The following BCL11B variants were observed in gnomAD, a reference collection of about 807,000 sequenced individuals.
BCL11B encodes the protein B-cell lymphoma/leukemia 11B.
BCL11B carries 8 observed loss-of-function variants against 49.9 expected under a neutral mutation model. The observed-to-expected ratio is 0.16, with a 90% CI of 0.09 to 0.29. BCL11B has a LOEUF of 0.29. Among genes scored for constraint, BCL11B ranks in the 10% least tolerant of loss-of-function variants. The probability of loss-of-function intolerance (pLI) is 1.00; values close to 1 mark genes in which losing one functional copy is unlikely to be tolerated. For missense variants in BCL11B, 1,006 were observed against 1,351.0 expected, an observed-to-expected ratio of 0.74 and a Z score of 4.00; for synonymous variants, 739 against 637.4, an observed-to-expected ratio of 1.16 and a Z score of -2.40.
At chr14:99,187,778 T>TGCCTCCTCC (rs1555377332) in intron 3 of BCL11B, among the ~76,000 whole-genome samples, 5 of 150,398 alleles carry the variant, frequency 3.3e-5, no homozygotes, top group African/African-American at 1.2e-4. Flanking sequence ...CATGCAGGCC[T>TGCCTCCTCC]TCCTCCTCCT....
rs546467535 is a variant in BCL11B, at chr14:99,192,052, C to A, written c.641-15857G>T. On this transcript the variant is annotated intron_variant, in intron 3 of 3. Coordinates refer to ENST00000357195, the MANE Select transcript of BCL11B (RefSeq NM_138576.4). The surrounding 1 kb of genome is among the most constrained non-coding windows in gnomAD (Gnocchi z 4.0). ...TTAAGGGACGCTCAGAATCCCGAGG[C>A]CTTCAAGAACGTGCTAGCTCCGGAA... Among the ~76,000 whole-genome samples, 3 of 152,120 alleles carry A rather than the reference C, an allele frequency of 2.0e-5. No individual in the cohort carries two copies. The highest frequency in any genetic ancestry group is 4.4e-5 in the Non-Finnish European group (3 of 68,032).
chr14:99,214,184 C>A (rs1258021585), intron 3 of BCL11B, among the ~76,000 whole-genome samples: 1 of 152,218 alleles, frequency 6.6e-6, no homozygotes, highest in Non-Finnish European at 1.5e-5. Context: ...CACAAAGACC[C>A]TGCCTCCCAG....
intron 3 of BCL11B, among the ~76,000 whole-genome samples, chr14:99,185,911 A>G (rs1482637659): frequency 6.6e-6 from 1 of 152,220 alleles, no homozygotes; most frequent in African/African-American, 2.4e-5. Context: ...GCACGGCTTC[A>G]CCGTCAACTT....
In BCL11B at chr14:99,241,182, T is replaced by A. The variant is rs1312423979; in HGVS notation, c.428-9625A>T. On this transcript the variant is annotated intron_variant, in intron 2 of 3. Coordinates refer to ENST00000357195, the MANE Select transcript of BCL11B (RefSeq NM_138576.4). The surrounding 1 kb of genome is among the most constrained non-coding windows in gnomAD (Gnocchi z 4.4). ...ACTTACTTGGTTTTGAAACTGTTTT[T>A]TTATTATTTTTTTTAAATCTACAGC... is the stretch of plus-strand genomic sequence containing the variant. 1.3e-5 allele frequency among the ~76,000 whole-genome samples: 2 copies of A among 152,130 alleles called. No homozygotes were observed. The highest frequency in any genetic ancestry group is 2.4e-5 in the African/African-American group (1 of 41,428).
rs939112330 is a variant in BCL11B, at chr14:99,176,072, G to A, written c.764C>T (p.Ala255Val). Residue 255 changes from alanine to valine, a missense_variant, in exon 4 of 4, where the codon GCC becomes GTC. Around this residue, in one of 6 missense-constraint regions of BCL11B, gnomAD observed 411 missense variants for 542.2 expected, o/e 0.76. Transcript: ENST00000357195. ...GAGCCGCGGCGTGAGCGAGCTGCTGGCCGGCCCGGGCTCCAGGTAGATGCG... is the reference window on the plus strand; with the variant it reads ...GAGCCGCGGCGTGAGCGAGCTGCTGACCGGCCCGGGCTCCAGGTAGATGCG... ...GFRIYLEPGPASSSLTPRLTI... is the reference protein window; with the variant it reads ...GFRIYLEPGPVSSSLTPRLTI... The A allele has an allele frequency of 6.2e-7, 1 of 1,605,018 alleles. No individual in the cohort carries two copies. The highest frequency in any genetic ancestry group is 8.5e-7 in the Non-Finnish European group (1 of 1,175,626).
intron 3 of BCL11B, among the ~76,000 whole-genome samples, chr14:99,210,583 G>C (rs1191700048): frequency 6.6e-6 from 1 of 152,154 alleles, no homozygotes; most frequent in African/African-American, 2.4e-5. Flanking sequence ...AGGAGCCCAA[G>C]CAGCTCATGC....
chr14:99,265,728 A>G (rs1889461612), intron 1 of BCL11B, among the ~76,000 whole-genome samples: 1 of 152,196 alleles, frequency 6.6e-6, no homozygotes, highest in Non-Finnish European at 1.5e-5. Context: ...GAAGTAGAGA[A>G]ATCATCAGAT....
At chr14:99,181,689 A>G (rs1784319963) in intron 3 of BCL11B, among the ~76,000 whole-genome samples, 2 of 152,246 alleles carry the variant, frequency 1.3e-5, no homozygotes, top group Admixed American at 1.3e-4. Flanking sequence ...GACGTTTCAC[A>G]GAGCGAGCAA....
chr14:99,171,417 GTT>G lies in BCL11B; in HGVS notation c.*2732_*2733del. On this transcript the variant is annotated 3_prime_UTR_variant, in exon 4 of 4. Transcript: ENST00000357195. ...ATATTATGGCAGCCTGTTTGTTTTT[GTT>G]TTTTTTTTCTTTTTATTTCCAAATT... 5.1e-6 allele frequency: 1 copy of G among 197,162 alleles called. No homozygotes were observed. Among genetic ancestry groups the G allele is most frequent in the South Asian group, 2.0e-4 (1 of 4,978 alleles). The allele number at this position is 197,162 out of a possible 1,614,324, so 12.2% of individuals were successfully genotyped here. A position where few individuals can be genotyped will look rare whatever the true frequency, so the allele number is the denominator to read the frequency against.
In BCL11B at chr14:99,231,333, G is replaced by A. The variant is rs373405871; in HGVS notation, c.640+12C>T. On this transcript the variant is annotated intron_variant, in intron 3 of 3. Coordinates refer to ENST00000357195, the MANE Select transcript of BCL11B (RefSeq NM_138576.4). This position sits in a 1 kb window ranked among gnomAD's most constrained non-coding sequence, Gnocchi z 8.1. ...CCGGGGGCCCGCCCCCCACCGCGGC[G>A]TCGTCTGTTACCTGACAACTGACAC... 55 of 1,608,132 alleles carry A rather than the reference G, an allele frequency of 3.4e-5. No homozygotes were observed. The highest frequency in any genetic ancestry group is 2.5e-4 in the Admixed American group (15 of 59,580).
chr14:99,259,294 A>C (rs1889269687), intron 1 of BCL11B, among the ~76,000 whole-genome samples: 1 of 152,206 alleles, frequency 6.6e-6, no homozygotes, highest in South Asian at 2.1e-4. Context: ...GAAGTTATTG[A>C]AGTGCCAGAG....
chr14:99,246,656 T>C (rs1198003401), intron 2 of BCL11B, among the ~76,000 whole-genome samples: 1 of 152,176 alleles, frequency 6.6e-6, no homozygotes, highest in Non-Finnish European at 1.5e-5. Context: ...AAGGCCATTG[T>C]GTTCTCCTGT....
At chr14:99,210,453 G>A (rs545685367) in intron 3 of BCL11B, among the ~76,000 whole-genome samples, 118 of 152,186 alleles carry the variant, frequency 7.8e-4, no homozygotes, top group African/African-American at 2.6e-3. Context: ...TCTTGACTGC[G>A]GAAGTGTGTT....
intron 1 of BCL11B, among the ~76,000 whole-genome samples, chr14:99,261,769 G>C (rs1223919326): frequency 6.6e-6 from 1 of 152,192 alleles, no homozygotes; most frequent in Non-Finnish European, 1.5e-5. Context: ...GACTCATTAA[G>C]AGGAAAAATG....
intron 2 of BCL11B, among the ~76,000 whole-genome samples, chr14:99,256,049 G>A (rs1889154370): frequency 6.6e-6 from 1 of 152,252 alleles, no homozygotes; most frequent in African/African-American, 2.4e-5. Context: ...TTGTGCAGGT[G>A]AGCAAAGTGA....
intron 3 of BCL11B, among the ~76,000 whole-genome samples, chr14:99,182,802 T>G (rs1460860651): frequency 3.9e-5 from 6 of 152,186 alleles, no homozygotes; most frequent in African/African-American, 1.4e-4. Context: ...GGACTCCTCT[T>G]TAACCCCAGG....
rs148780424 is a variant in BCL11B, at chr14:99,171,334, G to A, written c.*2817C>T. On this transcript the variant is annotated 3_prime_UTR_variant, in exon 4 of 4. Transcript: ENST00000357195. ...CAACCCTTTTTCTCCTGTACAATAG[G>A]ACTTAACATACAAATGTGTTTTTTT... 1,072 of 223,230 alleles carry A rather than the reference G, an allele frequency of 4.8e-3. 9 individuals are homozygous for A. Among genetic ancestry groups the A allele is most frequent in the African/African-American group, 0.022 (986 of 44,692 alleles). The allele number at this position is 223,230 out of a possible 1,614,324, so 13.8% of individuals were successfully genotyped here. A position where few individuals can be genotyped will look rare whatever the true frequency, so the allele number is the denominator to read the frequency against.
At position 99,176,373 on chromosome 14, in the gene BCL11B, T is replaced by TG. The variant is rs200153279; in HGVS notation, c.641-179dup. Reference sequence around the variant, plus strand: ...AGGCCCGGCCTTGTCTCCTCCTGGCTGGGGGGCCGAAGACGCAGGTCTGTG... The same window carrying TG: ...AGGCCCGGCCTTGTCTCCTCCTGGCTGGGGGGGCCGAAGACGCAGGTCTGTG... On this transcript the variant is annotated intron_variant, in intron 3 of 3. Transcript: ENST00000357195. Among the ~76,000 whole-genome samples, 1,461 of 152,212 alleles carry TG rather than the reference T, an allele frequency of 9.6e-3. 24 individuals carry two copies. Among genetic ancestry groups the TG allele is most frequent in the African/African-American group, 0.033 (1,350 of 41,532 alleles).
At chr14:99,251,200 T>TG (rs1373052306) in intron 2 of BCL11B, among the ~76,000 whole-genome samples, 2 of 152,346 alleles carry the variant, frequency 1.3e-5, no homozygotes, top group Non-Finnish European at 2.9e-5. Context: ...TAACTAGTTA[T>TG]GTAAGTTCAG....
Sources: allele counts gnomAD v4.1 joint callset (sites outside exome capture counted in the v4.1 genomes callset), GRCh38; gene constraint gnomAD v4.1.1; regional missense constraint gnomAD v4.1.1; non-coding constraint Gnocchi (gnomAD v3.1); transcripts MANE v1.5; gene names NCBI Gene and HGNC (gene_info 2026-07-23, HGNC 2026-07-21).